LCTL: variants seen among roughly 807,000 people sequenced by gnomAD.
LCTL encodes the protein lactase-like protein.
A neutral mutation model predicts 75.8 loss-of-function variants in LCTL; 76 were observed. The observed-to-expected ratio is 1.00, with a 90% CI of 0.83 to 1.21. The LOEUF is 1.21. Ranked by LOEUF, LCTL falls within the 50% of genes most tolerant of loss-of-function variation. LCTL has a pLI of 0.00. For synonymous variants in LCTL, 271 were observed against 268.8 expected (o/e 1.01, Z -0.08); for missense variants, 670 against 712.4 (o/e 0.94, Z 0.68).
At chr15:66,552,985 T>C (rs1446720665) in exon 9 of LCTL, 1 of 1,444,242 alleles carries the variant, frequency 6.9e-7, no homozygotes, top group African/African-American at 1.5e-5. Flanking sequence ...GATAATCACC[T>C]GAGCAAAGTT....
At chr15:66,553,098 G>C in exon 9 of LCTL, 2 of 1,611,176 alleles carry the variant, frequency 1.2e-6, no homozygotes, top group Non-Finnish European at 1.7e-6. Context: ...CGTTCTGGTA[G>C]CTGGGCCCCT....
exon 9 of LCTL, chr15:66,552,994 T>G: frequency 6.9e-7 from 1 of 1,458,942 alleles, no homozygotes; most frequent in Non-Finnish European, 9.1e-7. Context: ...CTGAGCAAAG[T>G]TAAGGAGCCT....
At chr15:66,564,730 T>G in exon 2 of LCTL, 1 of 1,613,856 alleles carries the variant, frequency 6.2e-7, no homozygotes, top group Non-Finnish European at 8.5e-7. Flanking sequence ...TCCCAAGCAC[T>G]TTCCCCTTCC....
At chr15:66,553,363 G>A in intron 8 of LCTL, 105 bp from the exon 10 acceptor site, 1 of 983,716 alleles carries the variant, frequency 1.0e-6, no homozygotes, top group Non-Finnish European at 1.4e-6. Context: ...GTGGGCTTTA[G>A]GATTCATTTG....
At chr15:66,560,976 C>T (rs1228752389) in intron 6 of LCTL, 30 bp downstream of exon 7, 3 of 1,605,930 alleles carry the variant, frequency 1.9e-6, no homozygotes, top group Middle Eastern at 1.9e-4. Flanking sequence ...GACCCTGAGG[C>T]TGTTCCTCCA....
rs745842682 is a variant in LCTL at position 66,557,764 on chromosome 15, TG to T, written c.879del (p.Ile294PhefsTer10). 26 of 1,614,000 alleles carry T rather than the reference TG, an allele frequency of 1.6e-5. No homozygotes were observed. The highest frequency in any genetic ancestry group is 2.1e-5 in the Non-Finnish European group (25 of 1,180,028). On this transcript the variant is annotated frameshift_variant, in exon 8 of 13. Transcript: ENST00000341509. LOFTEE classifies it high-confidence loss of function. ...ACTTGGGGGTAGTCACCGGCATAAATGGGGTTGGCAAACCAGCCCAGACAGA... is the reference window on the plus strand; with the variant it reads ...ACTTGGGGGTAGTCACCGGCATAAATGGGTTGGCAAACCAGCCCAGACAGA...
intron 10 of LCTL, 68 bp from the exon 12 acceptor site, chr15:66,551,929 G>A (rs1334858138): frequency 6.6e-6 from 10 of 1,523,188 alleles, no homozygotes; most frequent in Non-Finnish European, 5.4e-6. Context: ...TGAAGATAAT[G>A]TTAAAATGTT....
exon 3 of LCTL, chr15:66,563,938 G>T (rs777337885): frequency 1.2e-6 from 2 of 1,614,138 alleles, no homozygotes; most frequent in Non-Finnish European, 1.7e-6. Context: ...AGGAGCCGGG[G>T]CCAAGACAGG....
At chr15:66,548,356 G>A in exon 13 of LCTL, 1 of 464,888 alleles carries the variant, frequency 2.2e-6, no homozygotes, top group Non-Finnish European at 3.8e-6. Context: ...CCCAGCACAA[G>A]CCAAAAAGAG....
At chr15:66,565,359 G>A (rs375111369) in exon 1 of LCTL, 70 of 1,601,360 alleles carry the variant, frequency 4.4e-5, no homozygotes, top group Non-Finnish European at 5.7e-5. Context: ...ACCCACACTG[G>A]CTTCATGGTG....
At chr15:66,556,902 C>T (rs1279479485) in intron 8 of LCTL, among the ~76,000 whole-genome samples, 1 of 151,844 alleles carries the variant, frequency 6.6e-6, no homozygotes, top group East Asian at 1.9e-4. Context: ...AATGGCAACA[C>T]AGGTACATTT....
intron 9 of LCTL, 52 bp downstream of exon 10, chr15:66,552,932 G>A: frequency 7.1e-7 from 1 of 1,402,410 alleles, no homozygotes; most frequent in Non-Finnish European, 9.4e-7. Flanking sequence ...TAAGCTGTGA[G>A]AACATGAATT....
At position 66,565,245 on chromosome 15, in the gene LCTL, T is replaced by C; in HGVS notation, c.118+3A>G. On this transcript the variant is annotated splice_donor_region_variant and intron_variant, in intron 1 of 12. Coordinates refer to ENST00000341509, the Ensembl canonical transcript of LCTL. ...AGACAGACGAACAGAGGCGTGGCCG[T>C]ACCAAGAGGGAAGGTTCCATAGTAG... The C allele has an allele frequency of 6.3e-7, 1 of 1,594,228 alleles. No individual in the cohort carries two copies. The highest frequency in any genetic ancestry group is 8.6e-7 in the Non-Finnish European group (1 of 1,162,158).
rs537076219 is a variant in LCTL at position 66,555,122 on chromosome 15, C to A, written c.923-1864G>T. On this transcript the variant is annotated intron_variant, in intron 8 of 12. Coordinates refer to ENST00000341509, the Ensembl canonical transcript of LCTL. ...AATACAAAGTTTGTGTTATTAAATA[C>A]CCTTAAGATATTAGCATAAAGCAAA... 4.6e-5 allele frequency among the ~76,000 whole-genome samples: 7 copies of A among 152,092 alleles called. No individual in the cohort carries two copies. In the East Asian group the frequency reaches 1.4e-3, roughly 29 times the overall value.
At position 66,552,126 on chromosome 15, in the gene LCTL, G is replaced by T. The variant is rs532420517; in HGVS notation, c.1241C>A (p.Ala414Glu). 36 of 1,613,118 alleles carry T rather than the reference G, an allele frequency of 2.2e-5. No homozygotes were observed. The South Asian group carries it at 3.8e-4, about 17-fold the overall frequency. ...TTGAGTACAGTGGAATTTTTGAGAT[G>T]CTCCATTTTCCATCACATATATGGG... The change falls in exon 10 of 13, where the codon GCA (alanine) becomes GAA (glutamate). Residue 414 changes from alanine to glutamate, a missense_variant. Transcript: ENST00000341509.
intron 6 of LCTL, among the ~76,000 whole-genome samples, chr15:66,559,879 G>A (rs914606699): frequency 6.6e-6 from 1 of 151,946 alleles, no homozygotes; most frequent in African/African-American, 2.4e-5. Flanking sequence ...CTGAAGTCAG[G>A]AGTTCAGGAC....
chr15:66,563,590 T>C (rs976020186), exon 4 of LCTL: 2 of 1,612,464 alleles, frequency 1.2e-6, no homozygotes, highest in Non-Finnish European at 8.5e-7. Context: ...ATAAGATCAC[T>C]GTAGAATTCG....
At chr15:66,553,982 C>T (rs1895681930) in intron 8 of LCTL, among the ~76,000 whole-genome samples, 1 of 151,548 alleles carries the variant, frequency 6.6e-6, no homozygotes, top group Non-Finnish European at 1.5e-5. Context: ...ATGGTGAAAC[C>T]CTGTCTCTAC....
chr15:66,550,781 G>C (rs1345279818), intron 11 of LCTL, among the ~76,000 whole-genome samples: 2 of 152,054 alleles, frequency 1.3e-5, no homozygotes, highest in East Asian at 3.9e-4. Context: ...ACCTGGCCAA[G>C]ACACTCGAGA....
Sources: gnomAD v4.1 joint callset for allele counts (sites outside exome capture counted in the v4.1 genomes callset) on GRCh38, gnomAD v4.1.1 for gene constraint, MANE v1.5 for transcripts, NCBI Gene and HGNC (gene_info 2026-07-23, HGNC 2026-07-21) for gene names.